Variants in ARHGEF1 observed in about 807,000 individuals in gnomAD.
ARHGEF1 encodes Rho guanine nucleotide exchange factor 1, also known as 115 kDa guanine nucleotide exchange factor.
In ARHGEF1, 40 loss-of-function variants were observed where a neutral mutation model predicts 119.7. That is an observed-to-expected ratio of 0.33 (90% confidence interval 0.26 to 0.44). ARHGEF1 has a LOEUF of 0.44. Among genes scored for constraint, ARHGEF1 ranks in the 20% least tolerant of loss-of-function variants. The pLI, the probability that ARHGEF1 is intolerant of heterozygous loss-of-function variation, is 1.00. For synonymous variants in ARHGEF1, 494 were observed against 521.0 expected (o/e 0.95, Z 0.71); for missense variants, 976 against 1,268.3 (o/e 0.77, Z 3.50).
At chr19:41,908,035 C>T (rs998207801), downstream of ARHGEF1, 35 of 441,204 alleles carry the variant, frequency 7.9e-5, no homozygotes, top group Non-Finnish European at 1.2e-4. This position sits in a 1 kb window ranked among gnomAD's most constrained non-coding sequence, Gnocchi z 6.7. Context: ...GAGGCCATCA[C>T]ATTCCCTCTG....
intron 14 of ARHGEF1, among the ~76,000 whole-genome samples, chr19:41,898,913 T>C (rs1349949718): frequency 6.6e-6 from 1 of 152,248 alleles, no homozygotes; most frequent in Non-Finnish European, 1.5e-5. Flanking sequence ...ACCTCAGATA[T>C]TGTCATGAAG....
rs1326237664 is a variant in ARHGEF1 at position 41,926,763 on chromosome 19, C to T, written c.141-2068C>T. 2.6e-5 allele frequency among the ~76,000 whole-genome samples: 4 copies of T among 152,292 alleles called. No homozygotes were observed. In the South Asian group the frequency reaches 6.2e-4, roughly 24 times the overall value. On this transcript the variant is annotated intron_variant, in intron 1 of 2. Coordinates refer to the ARHGEF1 transcript ENST00000594417. ...GTTTAGCCGTGATAGATCCGCGCGC[C>T]GCTTGTCTCTTAATCTCCAGAGCGA... is the stretch of plus-strand genomic sequence containing the variant.
chr19:41,910,328 C>T (rs912317101), downstream of ARHGEF1, among the ~76,000 whole-genome samples: 3 of 152,112 alleles, frequency 2.0e-5, no homozygotes, highest in Non-Finnish European at 4.4e-5. This position sits in a 1 kb window ranked among gnomAD's most constrained non-coding sequence, Gnocchi z 4.4. Flanking sequence ...CCAGTCTGAT[C>T]CCCTACCTTG....
chr19:41,891,936 C>G (rs2074383882), intron 4 of ARHGEF1, 89 bp from the exon 5 acceptor site: 2 of 1,132,232 alleles, frequency 1.8e-6, no homozygotes, highest in African/African-American at 3.1e-5. Flanking sequence ...CATAGGATGG[C>G]CAGGAGGTGA....
rs782384716 is a variant in ARHGEF1, at chr19:41,892,108, C to T, written c.309C>T (p.Phe103=). ...KKAFLDFYHS[F]LEKTAVLRVP... ...CCTTCCTGGACTTCTACCACAGCTT[C>T]CTGGAGAAGACAGCGGTGAGAGACC... Residue 103 remains phenylalanine (F), a synonymous_variant, in exon 5 of 29, where the codon TTC becomes TTT. Coordinates refer to ENST00000354532, the MANE Select transcript of ARHGEF1 (RefSeq NM_004706.4). This position sits in a 1 kb window ranked among gnomAD's most constrained non-coding sequence, Gnocchi z 6.3. 2.5e-6 allele frequency: 4 copies of T among 1,613,174 alleles called. No homozygotes were observed. The highest frequency in any genetic ancestry group is 4.5e-5 in the East Asian group (2 of 44,856).
In ARHGEF1 at chr19:41,905,422, C is replaced by T. The variant is rs548258279; in HGVS notation, c.2336+161C>T. The T allele has an allele frequency of 1.1e-4, 76 of 668,924 alleles. No individual in the cohort carries two copies. Among genetic ancestry groups the T allele is most frequent in the African/African-American group, 5.5e-4 (30 of 55,038 alleles). The allele number at this position is 668,924 out of a possible 1,614,324, so 41.4% of individuals were successfully genotyped here. On this transcript the variant is annotated intron_variant, in intron 24 of 28. Transcript: ENST00000354532. This position sits in a 1 kb window ranked among gnomAD's most constrained non-coding sequence, Gnocchi z 6.4. The stretch of plus-strand genomic sequence containing the variant: ...GTCTGTACGCAAGTATGTGACTGTG[C>T]GTGCATATATAGTGTGTGTATGCAT...
At chr19:41,914,331 T>C (rs1195218606) in intron 18 of ARHGEF1, among the ~76,000 whole-genome samples, 1 of 147,050 alleles carries the variant, frequency 6.8e-6, no homozygotes, top group East Asian at 2.1e-4. Flanking sequence ...CCCCCCACCA[T>C]CTCCCTTCCA....
In ARHGEF1 at chr19:41,889,306, G is replaced by A. The variant is rs139364461; in HGVS notation, c.225+441G>A. 1 of 160,814 alleles carries A rather than the reference G, an allele frequency of 6.2e-6. No homozygotes were observed. The highest frequency in any genetic ancestry group is 1.4e-5 in the Non-Finnish European group (1 of 72,632). 10.0% of individuals were successfully genotyped at this position (160,814 alleles called of 1,614,324 possible). On this transcript the variant is annotated intron_variant, in intron 4 of 28. Coordinates refer to ENST00000354532, the MANE Select transcript of ARHGEF1 (RefSeq NM_004706.4). This position sits in a 1 kb window ranked among gnomAD's most constrained non-coding sequence, Gnocchi z 4.0. ...GGTTGATGGTTGGGAAAAAGAAGCT[G>A]TTAGCCATCCCAGGTCTAGGGAGCA...
Position 41,888,383 on chromosome 19 carries a change from G to C in ARHGEF1, c.111+105G>C. ...TCTTCTTGGCCTTTTCCCACGGTCT[G>C]TCTCATCCTCTCATCTCCCTGGTAC... On this transcript the variant is annotated intron_variant, in intron 3 of 28. Transcript: ENST00000354532. This position sits in a 1 kb window ranked among gnomAD's most constrained non-coding sequence, Gnocchi z 5.1. The C allele has an allele frequency of 8.6e-7, 1 of 1,163,824 alleles. No individual in the cohort carries two copies. The highest frequency in any genetic ancestry group is 1.2e-6 in the Non-Finnish European group (1 of 807,052). The allele number at this position is 1,163,824 out of a possible 1,614,324, so 72.1% of individuals were successfully genotyped here.
In ARHGEF1 at chr19:41,926,631, T is replaced by A. The variant is rs185688279; in HGVS notation, c.141-2200T>A. On this transcript the variant is annotated intron_variant, in intron 1 of 2. Coordinates refer to the ARHGEF1 transcript ENST00000594417. ...AGTTAGCTCTGGGCTAGGCGAGGCC[T>A]GGCCTGCTGGCCTGCCGGGCAGCCA... Among the ~76,000 whole-genome samples, 7 of 151,616 alleles carry A rather than the reference T, an allele frequency of 4.6e-5. No homozygotes were observed. The South Asian group carries it at 1.5e-3, about 32-fold the overall frequency.
chr19:41,914,625 CTCTG>C (rs2074779647), intron 18 of ARHGEF1, among the ~76,000 whole-genome samples: 1 of 30,146 alleles, frequency 3.3e-5, no homozygotes, highest in Non-Finnish European at 5.7e-5. Flanking sequence ...CTTCCACCAT[CTCTG>C]TCTCTGTCTC....
intron 13 of ARHGEF1, chr19:41,896,702 TC>T: frequency 1.4e-6 from 1 of 690,164 alleles, no homozygotes; most frequent in Non-Finnish European, 2.6e-6. Flanking sequence ...CCTTCCTTTT[TC>T]CTCTGCTCCT....
chr19:41,922,854 C>T (rs1201468570), upstream of ARHGEF1, among the ~76,000 whole-genome samples: 2 of 152,230 alleles, frequency 1.3e-5, no homozygotes, highest in East Asian at 1.9e-4. Context: ...GCACTGCCGC[C>T]GAGGCGGATC....
chr19:41,908,473 C>T (rs2074731970), downstream of ARHGEF1: 12 of 1,231,550 alleles, frequency 9.7e-6, no homozygotes, highest in Non-Finnish European at 1.0e-5. This position sits in a 1 kb window ranked among gnomAD's most constrained non-coding sequence, Gnocchi z 6.7. Context: ...AGGGGCGTGG[C>T]TGTGGGGCCT....
At chr19:41,907,041 G>A (rs981596276) in intron 28 of ARHGEF1, 64 bp from the exon 29 acceptor site, 19 of 1,395,364 alleles carry the variant, frequency 1.4e-5, no homozygotes, top group Admixed American at 1.4e-4. Flanking sequence ...TTGTCTCTGT[G>A]TCTGTCTCTC....
At position 41,903,198 on chromosome 19, in the gene ARHGEF1, A is replaced by G; in HGVS notation, c.1739-109A>G. On this transcript the variant is annotated intron_variant, in intron 18 of 28. Transcript: ENST00000354532. The surrounding 1 kb of genome is among the most constrained non-coding windows in gnomAD (Gnocchi z 4.2). ...CAGCCTCCCAAAGTGCTTGGATTAC[A>G]GGCGTGAGCCACCATGCCCGGCCAG... 1.0e-6 allele frequency: 1 copy of G among 975,484 alleles called. No homozygotes were observed. Among genetic ancestry groups the G allele is most frequent in the Non-Finnish European group, 1.6e-6 (1 of 631,078 alleles). 60.4% of individuals were successfully genotyped at this position (975,484 alleles called of 1,614,324 possible).
chr19:41,921,718 C>T (rs560902670), upstream of ARHGEF1, among the ~76,000 whole-genome samples: 121 of 152,148 alleles, frequency 8.0e-4, no homozygotes, highest in African/African-American at 2.7e-3. The surrounding 1 kb of genome is among the most constrained non-coding windows in gnomAD (Gnocchi z 4.4). Flanking sequence ...CAGGCGAGCC[C>T]GGCCCTGGAG....
chr19:41,896,338 AGAGGCCT>A, intron 12 of ARHGEF1, 32 bp from the exon 13 acceptor site: 9 of 1,130,194 alleles, frequency 8.0e-6, no homozygotes, highest in South Asian at 7.3e-5. Context: ...TCGTGGCCGC[AGAGGCCT>A]TCCAGCCAGC....
In ARHGEF1 at chr19:41,894,135, A is replaced by AGTGTGTGTGTGTGTG. The variant is rs2074434146; in HGVS notation, c.645-71_645-57dup. 6.2e-6 allele frequency: 3 copies of AGTGTGTGTGTGTGTG among 486,004 alleles called. No individual in the cohort carries two copies. The African/African-American group carries it at 7.0e-5, about 11-fold the overall frequency. The allele number at this position is 486,004 out of a possible 1,614,324, so 30.1% of individuals were successfully genotyped here. On this transcript the variant is annotated intron_variant, in intron 8 of 28. Transcript: ENST00000354532. ...GGGAGAGAGAGAGAGTGTGTGTGTG[A>AGTGTGTGTGTGTGTG]GTGTGTGTGTGTGTGTGTGTGTGTG...
Sources: gnomAD v4.1 joint callset for allele counts (sites outside exome capture counted in the v4.1 genomes callset) on GRCh38, gnomAD v4.1.1 for gene constraint, Gnocchi (gnomAD v3.1) non-coding constraint, MANE v1.5 for transcripts, NCBI Gene and HGNC (gene_info 2026-07-23, HGNC 2026-07-21) for gene names.